The following CALML6 variants were observed in gnomAD, a reference collection of about 807,000 sequenced individuals.
CALML6 encodes the protein calmodulin-like protein 6.
In CALML6, 27 loss-of-function variants were observed where a neutral mutation model predicts 25.0. The ratio of observed to expected loss-of-function variants is 1.08; its 90% CI spans 0.80 to 1.49. The LOEUF (loss-of-function observed/expected upper bound fraction) is 1.49. CALML6 is among the 40% of genes most tolerant of loss of function. The pLI is 0.00. For missense variants in CALML6, 239 were observed against 232.7 expected (o/e 1.03, Z -0.18); for synonymous variants, 97 against 87.2 (o/e 1.11, Z -0.63).
rs564159231 is a variant in CALML6, at chr1:1,917,174, C to T, written c.527C>T (p.Ser176Phe). The change falls in exon 6 of 6, where the codon TCC becomes TTC. Residue 176 changes from serine to phenylalanine, a missense_variant. Physicochemically the swap from Ser to Phe is radical, Grantham distance 155. Around this residue, in one of 2 missense-constraint regions of CALML6, gnomAD observed 231 missense variants for 210.9 expected, o/e 1.10. Coordinates refer to ENST00000307786, the MANE Select transcript of CALML6 (RefSeq NM_138705.4). ...EEFVAMMTGE[S>F]FKLIQ ...TTTGTGGCCATGATGACGGGGGAGT[C>T]CTTCAAGCTGATCCAGTAGGTGCAG... 1.2e-6 allele frequency: 2 copies of T among 1,605,658 alleles called. No homozygotes were observed. Among genetic ancestry groups the T allele is most frequent in the African/African-American group, 1.3e-5 (1 of 74,956 alleles).
At chr1:1,916,173 G>A (rs753136163) in intron 2 of CALML6, 27 of 446,052 alleles carry the variant, frequency 6.1e-5, no homozygotes, top group Non-Finnish European at 9.6e-5. Context: ...GCCTGGCCCT[G>A]CAGCTGCTGC....
Position 1,916,987 on chromosome 1 carries a change from A to C in CALML6, c.412A>C (p.Asn138His). ...DWNTLKYVLMNAGEPLNEVEA... is the reference protein window; with the variant it reads ...DWNTLKYVLMHAGEPLNEVEA... ...CAGGCCCCGTAGGTACGTGCTAATG[A>C]ACGCAGGGGAGCCCCTCAACGAGGT... The change falls in exon 5 of 6, where the codon AAC becomes CAC. Residue 138 changes from asparagine to histidine, a missense_variant. Transcript: ENST00000307786. The C allele has an allele frequency of 6.2e-7, 1 of 1,610,128 alleles. No homozygotes were observed. The highest frequency in any genetic ancestry group is 8.5e-7 in the Non-Finnish European group (1 of 1,177,696).
intron 4 of CALML6, 34 bp downstream of exon 4, chr1:1,916,930 G>A (rs1557972239): frequency 1.5e-6 from 1 of 665,016 alleles, no homozygotes; most frequent in South Asian, 1.4e-5. Context: ...TGGTGGGCGG[G>A]CACGGGCAGG....
chr1:1,916,923 T>A (rs756676094), intron 4 of CALML6, 27 bp downstream of exon 4: 2 of 361,936 alleles, frequency 5.5e-6, no homozygotes, highest in Non-Finnish European at 8.7e-6. Flanking sequence ...GGGCGGGTGG[T>A]GGGCGGGCAC....
At chr1:1,916,705 G>C in intron 3 of CALML6, 47 bp from the exon 4 acceptor site, 1 of 1,612,762 alleles carries the variant, frequency 6.2e-7, no homozygotes, top group Non-Finnish European at 8.5e-7. Context: ...AAAGCCCATG[G>C]GGAGTGCTGT....
intron 2 of CALML6, 83 bp from the exon 3 acceptor site, chr1:1,916,358 G>A: frequency 7.9e-7 from 1 of 1,264,494 alleles, no homozygotes; most frequent in Non-Finnish European, 1.1e-6. Flanking sequence ...TGGAGGAATG[G>A]GTGCAGGGGG....
Position 1,916,863 on chromosome 1 carries a change from A to G in CALML6, c.365A>G (p.Glu122Gly). 2 of 1,434,446 alleles carry G rather than the reference A, an allele frequency of 1.4e-6. No homozygotes were observed. The highest frequency in any genetic ancestry group is 1.9e-6 in the Non-Finnish European group (2 of 1,079,760). 88.9% of individuals were successfully genotyped at this position (1,434,446 alleles called of 1,614,324 possible). Reference protein sequence around the residue: ...LRAAFRVFDKEGKGYIDWNTL... With the variant: ...LRAAFRVFDKGGKGYIDWNTL... ...GCGGCATTCCGTGTCTTTGACAAAGAGGGCAAGGGCTACATTGACTGGAAC... is the reference window on the plus strand; with the variant it reads ...GCGGCATTCCGTGTCTTTGACAAAGGGGGCAAGGGCTACATTGACTGGAAC... The change falls in exon 4 of 6, where the codon GAG (glutamate) becomes GGG (glycine). Residue 122 changes from glutamate (E) to glycine (G), a missense_variant. Physicochemically the swap from Glu to Gly is moderately conservative, Grantham distance 98. Around this residue, in one of 2 missense-constraint regions of CALML6, gnomAD observed 231 missense variants for 210.9 expected, o/e 1.10. Coordinates refer to ENST00000307786, the MANE Select transcript of CALML6 (RefSeq NM_138705.4).
chr1:1,916,196 C>T (rs543915524), intron 2 of CALML6: 28 of 466,890 alleles, frequency 6.0e-5, no homozygotes, highest in African/African-American at 2.9e-4. Flanking sequence ...TTCCCTCGCA[C>T]GCTGGCTCCT....
chr1:1,916,981 C>T lies in CALML6; in HGVS notation c.406C>T (p.Leu136=). ...CAGCGCCAGGCCCCGTAGGTACGTG[C>T]TAATGAACGCAGGGGAGCCCCTCAA... ...YIDWNTLKYV[L]MNAGEPLNEV... The change falls in exon 5 of 6, where the codon CTA becomes TTA. Residue 136 remains leucine (L), a synonymous_variant. Transcript: ENST00000307786. 3 of 1,610,486 alleles carry T rather than the reference C, an allele frequency of 1.9e-6. No homozygotes were observed. The highest frequency in any genetic ancestry group is 2.5e-6 in the Non-Finnish European group (3 of 1,178,084).
chr1:1,916,031 T>C, intron 2 of CALML6: 1 of 508,470 alleles, frequency 2.0e-6, no homozygotes, highest in Admixed American at 3.2e-5. Context: ...TTCTGCTTCC[T>C]GGGCTGTATC....
At chr1:1,915,765 C>T (rs1330038009) in intron 2 of CALML6, 30 bp downstream of exon 2, 1 of 1,610,150 alleles carries the variant, frequency 6.2e-7, no homozygotes, top group East Asian at 2.2e-5. Flanking sequence ...CCGATGGAGT[C>T]TCTGGTGGGC....
chr1:1,916,159 G>C, intron 2 of CALML6: 1 of 428,466 alleles, frequency 2.3e-6, no homozygotes, highest in Non-Finnish European at 4.2e-6. Flanking sequence ...CCGCTGCCTG[G>C]CCCGCCTGGC....
chr1:1,915,623 C>G (rs547811177), intron 1 of CALML6, 62 bp from the exon 2 acceptor site: 15 of 1,576,356 alleles, frequency 9.5e-6, no homozygotes, highest in Middle Eastern at 1.7e-4. Flanking sequence ...CCCCGGGGAC[C>G]CCAGGCAGCC....
At position 1,916,681 on chromosome 1, in the gene CALML6, C is replaced by T. The variant is rs534957043; in HGVS notation, c.253+66C>T. 5.8e-5 allele frequency: 94 copies of T among 1,607,662 alleles called. 1 individual carries two copies. In the South Asian group the frequency reaches 8.0e-4, roughly 14 times the overall value. ...GCCCTGGGTCAGGTGTCAGTGCCTACGGGGGGAAGAGGCAAAGCCCATGGG... is the reference window on the plus strand; with the variant it reads ...GCCCTGGGTCAGGTGTCAGTGCCTATGGGGGGAAGAGGCAAAGCCCATGGG... On this transcript the variant is annotated intron_variant, in intron 3 of 5. Transcript: ENST00000307786.
chr1:1,916,566 C>A lies in CALML6; in HGVS notation c.204C>A (p.Asn68Lys). Residue 68 changes from asparagine to lysine, a missense_variant, in exon 3 of 6, where the codon AAC (asparagine) becomes AAA (lysine). Asn to Lys is a moderately conservative substitution (Grantham distance 94). Around this residue, in one of 2 missense-constraint regions of CALML6, gnomAD observed 231 missense variants for 210.9 expected, o/e 1.10. Coordinates refer to ENST00000307786, the MANE Select transcript of CALML6 (RefSeq NM_138705.4). Reference protein sequence around the residue: ...LEWLMSLLGINPTKSELASMA... With the variant: ...LEWLMSLLGIKPTKSELASMA... ...GGCTCATGAGCCTGCTGGGTATCAA[C>A]CCCACCAAGAGTGAGCTGGCCTCAA... 1 of 1,612,154 alleles carries A rather than the reference C, an allele frequency of 6.2e-7. No homozygotes were observed. Among genetic ancestry groups the A allele is most frequent in the Middle Eastern group, 1.7e-4 (1 of 6,054 alleles).
At chr1:1,916,919 GTGGTGGGC>G in intron 4 of CALML6, 23 bp downstream of exon 4, 4 of 1,598,666 alleles carry the variant, frequency 2.5e-6, no homozygotes, top group Admixed American at 1.7e-5. Flanking sequence ...TTGGGGGCGG[GTGGTGGGC>G]GGGCACGGGC....
chr1:1,915,861 C>G (rs533547595), intron 2 of CALML6, 126 bp downstream of exon 2: 1 of 909,816 alleles, frequency 1.1e-6, no homozygotes, highest in East Asian at 2.6e-5. Context: ...GAAGAGGGGG[C>G]CAAGCCCTGC....
intron 1 of CALML6, 43 bp from the exon 2 acceptor site, chr1:1,915,642 C>A (rs1188206639): frequency 3.1e-6 from 5 of 1,608,174 alleles, no homozygotes; most frequent in Non-Finnish European, 4.2e-6. Flanking sequence ...CCAGGCCCAG[C>A]TAAAACTCAG....
intron 1 of CALML6, 170 bp downstream of exon 1, chr1:1,915,477 T>G: frequency 2.9e-6 from 4 of 1,361,608 alleles, no homozygotes. Flanking sequence ...CACTTAGCCT[T>G]CGGTGCCCAT....
Sources: allele counts gnomAD v4.1 joint callset, GRCh38; gene constraint gnomAD v4.1.1; regional missense constraint gnomAD v4.1.1; transcripts MANE v1.5; gene names NCBI Gene and HGNC (gene_info 2026-07-23, HGNC 2026-07-21).